GPC5: variants seen among roughly 807,000 people sequenced by gnomAD.
The protein encoded by GPC5 is glypican 5.
In GPC5, 47 loss-of-function variants were observed where a neutral mutation model predicts 53.9. That is an observed-to-expected ratio of 0.87 (90% CI 0.69 to 1.11). The LOEUF (loss-of-function observed/expected upper bound fraction) is 1.11, where lower values mean the gene tolerates loss of function less well. Among genes scored for constraint, GPC5 ranks in the 50% most tolerant of loss-of-function variants. The pLI is 0.00. For synonymous variants in GPC5, 286 were observed against 263.3 expected, an observed-to-expected ratio of 1.09 and a Z score of -0.84; for missense variants, 748 against 713.1, an observed-to-expected ratio of 1.05 and a Z score of -0.56.
At chr13:92,333,341 T>C (rs1005462101) in intron 7 of GPC5, among the ~76,000 whole-genome samples, 8 of 152,088 alleles carry the variant, frequency 5.3e-5, no homozygotes, top group African/African-American at 1.9e-4. Flanking sequence ...CAGAAGAAAC[T>C]CTTTAACCAG....
intron 6 of GPC5, among the ~76,000 whole-genome samples, chr13:92,033,599 T>G (rs2040870529): frequency 6.6e-6 from 1 of 152,248 alleles, no homozygotes; most frequent in Non-Finnish European, 1.5e-5. Flanking sequence ...TATTTATATC[T>G]TTTAAATATG....
At chr13:91,725,904 A>G (rs903899850) in intron 3 of GPC5, among the ~76,000 whole-genome samples, 1 of 152,264 alleles carries the variant, frequency 6.6e-6, no homozygotes, top group South Asian at 2.1e-4. Context: ...GACAAGGCAC[A>G]CTGGATCGTG....
intron 7 of GPC5, among the ~76,000 whole-genome samples, chr13:92,384,673 GCA>G (rs140765395): frequency 0.038 from 5,827 of 152,144 alleles, 162 homozygotes; most frequent in Middle Eastern, 0.065. Context: ...CTCACATATA[GCA>G]TTACCTTCAT....
intron 2 of GPC5, among the ~76,000 whole-genome samples, chr13:91,688,823 T>C (rs1276710779): frequency 6.6e-6 from 1 of 152,026 alleles, no homozygotes; most frequent in Admixed American, 6.6e-5. Flanking sequence ...GCGTTTGTAA[T>C]GCACTGGTAA....
intron 2 of GPC5, among the ~76,000 whole-genome samples, chr13:91,542,866 T>G (rs898591497): frequency 1.4e-5 from 2 of 144,652 alleles, no homozygotes; most frequent in Non-Finnish European, 3.0e-5. Flanking sequence ...TTTTTTTTTT[T>G]TTTTTTTTGA....
At chr13:92,159,793 G>A (rs1056172189) in intron 7 of GPC5, among the ~76,000 whole-genome samples, 5 of 151,318 alleles carry the variant, frequency 3.3e-5, no homozygotes, top group Non-Finnish European at 7.4e-5. Context: ...CAGTAGAGAC[G>A]GGGTTTCACT....
chr13:92,683,010 A>T (rs941486596), intron 7 of GPC5, among the ~76,000 whole-genome samples: 1 of 152,108 alleles, frequency 6.6e-6, no homozygotes, highest in African/African-American at 2.4e-5. Context: ...TAGTCAAGAG[A>T]GTTATGACCC....
chr13:92,004,458 T>TTTTATATATATATATATA (rs1491510192), intron 6 of GPC5, among the ~76,000 whole-genome samples: 4 of 82,490 alleles, frequency 4.8e-5, no homozygotes, highest in African/African-American at 1.7e-4. Context: ...AAAAAAAAAA[T>TTTTATATATATATATATA]TATATATATA....
At chr13:91,871,511 TA>T (rs1398890036) in intron 5 of GPC5, among the ~76,000 whole-genome samples, 4 of 152,106 alleles carry the variant, frequency 2.6e-5, no homozygotes, top group East Asian at 1.9e-4. Flanking sequence ...AAAAAAAGGT[TA>T]AAAAAAGAGG....
chr13:91,705,509 C>G (rs2036079233), intron 3 of GPC5, among the ~76,000 whole-genome samples: 1 of 152,136 alleles, frequency 6.6e-6, no homozygotes, highest in Non-Finnish European at 1.5e-5. Flanking sequence ...ACAGTGGAAG[C>G]ACAATATGGA....
At chr13:91,954,376 A>G (rs1050784288) in intron 6 of GPC5, among the ~76,000 whole-genome samples, 9 of 152,226 alleles carry the variant, frequency 5.9e-5, no homozygotes, top group Non-Finnish European at 1.2e-4. Context: ...TATTGAAATA[A>G]TAACACATAC....
intron 5 of GPC5, among the ~76,000 whole-genome samples, chr13:91,841,105 G>A (rs1348218188): frequency 3.3e-5 from 5 of 151,738 alleles, no homozygotes; most frequent in African/African-American, 7.3e-5. Flanking sequence ...AATACATAGA[G>A]AGCAATTTAT....
At chr13:92,577,418 A>ATGTGTGTGTGTGTGTG (rs56162097) in intron 7 of GPC5, among the ~76,000 whole-genome samples, 1,679 of 145,400 alleles carry the variant, frequency 0.012, 13 homozygotes, top group Non-Finnish European at 0.016. Context: ...ATGTATGTAT[A>ATGTGTGTGTGTGTGTG]TGTGTGTGTG....
intron 6 of GPC5, among the ~76,000 whole-genome samples, chr13:91,956,282 C>T (rs1440379873): frequency 1.3e-5 from 2 of 152,132 alleles, no homozygotes; most frequent in African/African-American, 2.4e-5. Context: ...GCCCACCCAA[C>T]CTGCCATTGT....
chr13:91,746,782 C>G (rs2037059707), intron 4 of GPC5, among the ~76,000 whole-genome samples: 1 of 152,138 alleles, frequency 6.6e-6, no homozygotes, highest in Admixed American at 6.5e-5. Context: ...GCTAATGTTG[C>G]TATATCCAGT....
At chr13:91,925,429 C>G (rs1368301539) in intron 6 of GPC5, among the ~76,000 whole-genome samples, 1 of 152,098 alleles carries the variant, frequency 6.6e-6, no homozygotes, top group Admixed American at 6.6e-5. Context: ...GTTTCATTCA[C>G]TCATCCTTCC....
At chr13:91,664,549 A>C (rs1408301747) in intron 2 of GPC5, among the ~76,000 whole-genome samples, 1 of 152,200 alleles carries the variant, frequency 6.6e-6, no homozygotes, top group Non-Finnish European at 1.5e-5. Context: ...TTACTTTTTC[A>C]AATACTAAAT....
At chr13:92,342,108 T>A (rs945196683) in intron 7 of GPC5, among the ~76,000 whole-genome samples, 1 of 152,106 alleles carries the variant, frequency 6.6e-6, no homozygotes, top group African/African-American at 2.4e-5. Flanking sequence ...ACCACACACT[T>A]CCAGTGTCAC....
At chr13:92,136,386 T>C (rs907967760) in intron 6 of GPC5, among the ~76,000 whole-genome samples, 20 of 119,362 alleles carry the variant, frequency 1.7e-4, no homozygotes, top group African/African-American at 5.7e-4. Flanking sequence ...ATACATGATA[T>C]ATTATTTAAA....
Sources: gnomAD v4.1 joint callset for allele counts (sites outside exome capture counted in the v4.1 genomes callset) on GRCh38, gnomAD v4.1.1 for gene constraint, MANE v1.5 for transcripts, NCBI Gene and HGNC (gene_info 2026-07-23, HGNC 2026-07-21) for gene names.